The following ENTHD1 variants were observed in gnomAD, a reference collection of about 807,000 sequenced individuals.
ENTHD1 encodes the protein ENTH domain containing 1, also known as ENTH domain-containing protein 1.
In ENTHD1, 23 loss-of-function variants were observed where a neutral mutation model predicts 39.1. The ratio of observed to expected loss-of-function variants is 0.59; its 90% CI spans 0.42 to 0.83. The LOEUF is 0.83. Ranked by LOEUF, ENTHD1 falls within the 40% of genes least tolerant of loss-of-function variation. The pLI, the probability that ENTHD1 is intolerant of heterozygous loss-of-function variation, is 0.00. For synonymous variants in ENTHD1, 230 were observed against 258.2 expected (o/e 0.89, Z 1.05); for missense variants, 624 against 705.4 (o/e 0.88, Z 1.31).
intron 3 of ENTHD1, among the ~76,000 whole-genome samples, chr22:39,836,314 T>C (rs1569161024): frequency 1.3e-5 from 2 of 152,182 alleles, no homozygotes; most frequent in African/African-American, 2.4e-5. Context: ...AAATCTTTGG[T>C]CAGAGAAAAT....
Position 39,765,418 on chromosome 22 carries a change from A to T in ENTHD1, c.1024T>A (p.Phe342Ile), listed in dbSNP as rs1347477162. 1 of 1,613,336 alleles carries T rather than the reference A, an allele frequency of 6.2e-7. No individual in the cohort carries two copies. The stretch of plus-strand genomic sequence containing the variant: ...GATACCCTTAAGTCGGGGCTGATAA[A>T]CTCCTCTTTACTTGACCAACATGCT... The part of the protein sequence containing the change: ...LPACWSSKEE[F>I]ISPDLRVSKS... The change falls in exon 6 of 7, where the codon TTT (phenylalanine) becomes ATT (isoleucine). Residue 342 changes from phenylalanine (F) to isoleucine (I), a missense_variant. Transcript: ENST00000325157.
chr22:39,866,971 C>T (rs1270024193), intron 2 of ENTHD1, among the ~76,000 whole-genome samples: 3 of 151,982 alleles, frequency 2.0e-5, no homozygotes, highest in Non-Finnish European at 4.4e-5. Context: ...GGCACGATCT[C>T]GGCCCACCGC....
chr22:39,811,957 C>T lies in ENTHD1; in HGVS notation c.832+9036G>A, dbSNP rs576832444. ...TCAAGTCACTGCACTCCAGCCTGGG[C>T]GACACAGTGAGACCCCATCTCATAA... On this transcript the variant is annotated intron_variant, in intron 5 of 6. Coordinates refer to ENST00000325157, the MANE Select transcript of ENTHD1 (RefSeq NM_152512.4). Among the ~76,000 whole-genome samples, 123 of 151,408 alleles carry T rather than the reference C, an allele frequency of 8.1e-4. No individual in the cohort carries two copies. In the Middle Eastern group the frequency reaches 0.01, roughly 13 times the overall value.
intron 2 of ENTHD1, among the ~76,000 whole-genome samples, chr22:39,883,355 C>G (rs776355116): frequency 5.3e-5 from 8 of 152,004 alleles, no homozygotes; most frequent in Non-Finnish European, 1.2e-4. Context: ...TAAACACATT[C>G]ATGTATACCT....
rs1253676718 is a variant in ENTHD1 at position 39,765,727 on chromosome 22, T to C, written c.833-118A>G. 3 of 1,029,420 alleles carry C rather than the reference T, an allele frequency of 2.9e-6. No homozygotes were observed. The African/African-American group carries it at 4.9e-5, about 17-fold the overall frequency. The allele number at this position is 1,029,420 out of a possible 1,614,324, so 63.8% of individuals were successfully genotyped here. A position where few individuals can be genotyped will look rare whatever the true frequency, so the allele number is the denominator to read the frequency against. Reference sequence around the variant, plus strand: ...AATGTCATAACAGAATTCTTTCCTATTTAGCCCTCTGCTTTCTTACTATGC... The same window carrying C: ...AATGTCATAACAGAATTCTTTCCTACTTAGCCCTCTGCTTTCTTACTATGC... On this transcript the variant is annotated intron_variant, in intron 5 of 6. Transcript: ENST00000325157.
chr22:39,855,987 C>T (rs1176212672), intron 3 of ENTHD1, among the ~76,000 whole-genome samples: 2 of 152,090 alleles, frequency 1.3e-5, no homozygotes, highest in Non-Finnish European at 2.9e-5. Context: ...GAATGTCCCC[C>T]TCGTGGCCGG....
intron 2 of ENTHD1, among the ~76,000 whole-genome samples, chr22:39,885,145 T>A (rs2146773714): frequency 6.6e-6 from 1 of 152,332 alleles, no homozygotes; most frequent in Admixed American, 6.5e-5. Context: ...GAACTTTTAA[T>A]ACTCAAACAG....
At chr22:39,876,995 GT>G (rs1569179291) in intron 2 of ENTHD1, among the ~76,000 whole-genome samples, 2 of 152,196 alleles carry the variant, frequency 1.3e-5, no homozygotes. Context: ...TAAATGGACT[GT>G]GACAGAGGCA....
At chr22:39,874,089 C>T (rs549273358) in intron 2 of ENTHD1, among the ~76,000 whole-genome samples, 1 of 152,200 alleles carries the variant, frequency 6.6e-6, no homozygotes, top group Non-Finnish European at 1.5e-5. Flanking sequence ...GGAAACTCCC[C>T]CTTATAAAAC....
rs1460406938 is a variant in ENTHD1, at chr22:39,841,782, C to A, written c.593-5824G>T. ...GTGTGAATTTGATCCTGTCATGATG[C>A]TGTTAGCTGGTTATTTTGCTCGTTA... On this transcript the variant is annotated intron_variant, in intron 3 of 6. Transcript: ENST00000325157. 6.3e-4 allele frequency among the ~76,000 whole-genome samples: 96 copies of A among 151,216 alleles called. No individual in the cohort carries two copies. In the Middle Eastern group the frequency reaches 0.014, roughly 22 times the overall value.
chr22:39,767,545 A>G (rs2065286605), intron 5 of ENTHD1, among the ~76,000 whole-genome samples: 1 of 152,218 alleles, frequency 6.6e-6, no homozygotes, highest in African/African-American at 2.4e-5. Context: ...GGTATTTCAA[A>G]GTGACTTTGC....
Position 39,843,618 on chromosome 22 carries a change from G to GA in ENTHD1, c.593-7661dup, listed in dbSNP as rs902461975. Among the ~76,000 whole-genome samples, 298 of 144,708 alleles carry GA rather than the reference G, an allele frequency of 2.1e-3. 1 individual carries two copies. Among genetic ancestry groups the GA allele is most frequent in the South Asian group, 4.4e-3 (20 of 4,550 alleles). 94.9% of individuals were successfully genotyped at this position (144,708 alleles called of 152,430 possible). Reference sequence around the variant, plus strand: ...TAAAACTTAAAGTATAATAATAAAAGAAAAAAAAAAACTACCAGTGAGGAG... The same window carrying GA: ...TAAAACTTAAAGTATAATAATAAAAGAAAAAAAAAAAACTACCAGTGAGGAG... On this transcript the variant is annotated intron_variant, in intron 3 of 6. Transcript: ENST00000325157.
At chr22:39,833,935 C>A in intron 4 of ENTHD1, among the ~76,000 whole-genome samples, 1 of 76,896 alleles carries the variant, frequency 1.3e-5, no homozygotes, top group Non-Finnish European at 2.4e-5. Context: ...ACTGGATATA[C>A]TTGGGCAAAA....
chr22:39,819,891 G>A (rs1273261797), intron 5 of ENTHD1, among the ~76,000 whole-genome samples: 3 of 152,062 alleles, frequency 2.0e-5, no homozygotes, highest in Non-Finnish European at 4.4e-5. Context: ...AAAATTTTAG[G>A]AGAAAAAACT....
At chr22:39,855,163 T>C (rs919543795) in intron 3 of ENTHD1, among the ~76,000 whole-genome samples, 1 of 152,224 alleles carries the variant, frequency 6.6e-6, no homozygotes, top group African/African-American at 2.4e-5. Context: ...CAATAAGAAT[T>C]ATCTTCCACA....
Position 39,887,395 on chromosome 22 carries a change from A to G in ENTHD1, c.349+5T>C. 1 of 1,595,380 alleles carries G rather than the reference A, an allele frequency of 6.3e-7. No homozygotes were observed. Among genetic ancestry groups the G allele is most frequent in the Non-Finnish European group, 8.5e-7 (1 of 1,171,398 alleles). On this transcript the variant is annotated splice_donor_5th_base_variant and intron_variant, in intron 2 of 6. Coordinates refer to ENST00000325157, the MANE Select transcript of ENTHD1 (RefSeq NM_152512.4). ...CCAGCTTATATAAACTTCTTTAACC[A>G]TTACCTTGGTCTTTTCCAGCTTCAT...
intron 2 of ENTHD1, among the ~76,000 whole-genome samples, chr22:39,869,742 C>T (rs1196032475): frequency 2.0e-5 from 3 of 151,002 alleles, no homozygotes; most frequent in Non-Finnish European, 4.4e-5. Flanking sequence ...TTTGAAAACC[C>T]TCTAACAAAG....
At chr22:39,824,431 A>G (rs2065810672) in intron 4 of ENTHD1, among the ~76,000 whole-genome samples, 1 of 151,744 alleles carries the variant, frequency 6.6e-6, no homozygotes, top group Non-Finnish European at 1.5e-5. Flanking sequence ...GGCTGGTCTC[A>G]AACTCCTGAC....
In ENTHD1 at chr22:39,774,234, CCT is replaced by C. The variant is rs558417444; in HGVS notation, c.833-8627_833-8626del. On this transcript the variant is annotated intron_variant, in intron 5 of 6. Coordinates refer to ENST00000325157, the MANE Select transcript of ENTHD1 (RefSeq NM_152512.4). ...CAATCTTCTCAACATTCTTCCTGGC[CCT>C]GTTTCCTGTGAAATGTAAACAGTCT... Among the ~76,000 whole-genome samples, 310 of 152,234 alleles carry C rather than the reference CCT, an allele frequency of 2.0e-3. 2 individuals carry two copies. Among genetic ancestry groups the C allele is most frequent in the African/African-American group, 7.0e-3 (292 of 41,536 alleles).
Sources: gnomAD v4.1 joint callset for allele counts (sites outside exome capture counted in the v4.1 genomes callset) on GRCh38, gnomAD v4.1.1 for gene constraint, MANE v1.5 for transcripts, NCBI Gene and HGNC (gene_info 2026-07-23, HGNC 2026-07-21) for gene names.